The following MPHOSPH8 variants were observed in gnomAD, a reference collection of about 807,000 sequenced individuals.
MPHOSPH8 encodes M-phase phosphoprotein, mpp.
MPHOSPH8 carries 45 observed loss-of-function variants against 87.3 expected under a neutral mutation model. That is an observed-to-expected ratio of 0.52 (90% CI 0.41 to 0.66). The LOEUF (loss-of-function observed/expected upper bound fraction) is 0.66. Ranked by LOEUF, MPHOSPH8 falls within the 30% of genes least tolerant of loss-of-function variation. The pLI, the probability that MPHOSPH8 is intolerant of heterozygous loss-of-function variation, is 0.00. For synonymous variants in MPHOSPH8, 366 were observed against 376.9 expected (o/e 0.97, Z 0.33); for missense variants, 883 against 1,020.2 (o/e 0.87, Z 1.83).
chr13:19,655,691 T>C (rs993747565), intron 5 of MPHOSPH8, among the ~76,000 whole-genome samples: 2 of 152,092 alleles, frequency 1.3e-5, no homozygotes, highest in African/African-American at 4.8e-5. Context: ...GCCAGAAACA[T>C]TGATTTTAAA....
intron 1 of MPHOSPH8, among the ~76,000 whole-genome samples, chr13:19,641,453 G>T (rs1288072524): frequency 6.9e-6 from 1 of 145,662 alleles, no homozygotes; most frequent in African/African-American, 2.6e-5. Flanking sequence ...CTCCCAAGTA[G>T]CTGGGACTAC....
At chr13:19,666,341 C>T in intron 9 of MPHOSPH8, 84 bp from the exon 10 acceptor site, 3 of 1,380,542 alleles carry the variant, frequency 2.2e-6, no homozygotes, top group Non-Finnish European at 3.0e-6. Context: ...CTTCACAGAA[C>T]CGCTAAGCAT....
chr13:19,670,187 G>A, intron 11 of MPHOSPH8, 49 bp from the exon 12 acceptor site: 1 of 1,609,944 alleles, frequency 6.2e-7, no homozygotes, highest in South Asian at 1.1e-5. Flanking sequence ...GTTCCTCTGG[G>A]GACTGAAGGT....
chr13:19,668,512 C>T lies in MPHOSPH8; in HGVS notation c.2310C>T (p.Pro770=). 6.2e-7 allele frequency: 1 copy of T among 1,614,058 alleles called. No homozygotes were observed. Among genetic ancestry groups the T allele is most frequent in the Middle Eastern group, 1.6e-4 (1 of 6,062 alleles). ...PDFSTDFNYK[P]PQNIPEGSGI... Reference sequence around the variant, plus strand: ...TTTCAACAGATTTCAATTACAAACCCCCACAGAACATACCAGAAGGTAAGC... The same window carrying T: ...TTTCAACAGATTTCAATTACAAACCTCCACAGAACATACCAGAAGGTAAGC... Residue 770 remains proline, a synonymous_variant, in exon 11 of 14, where the codon CCC becomes CCT. Coordinates refer to ENST00000361479, the MANE Select transcript of MPHOSPH8 (RefSeq NM_017520.4).
At chr13:19,649,446 GA>G (rs1445586481) in intron 4 of MPHOSPH8, among the ~76,000 whole-genome samples, 1 of 152,050 alleles carries the variant, frequency 6.6e-6, no homozygotes, top group Non-Finnish European at 1.5e-5. Flanking sequence ...GTTTATAATA[GA>G]ATTCATCCTA....
At chr13:19,670,568 T>C (rs1876067512) in intron 12 of MPHOSPH8, among the ~76,000 whole-genome samples, 1 of 152,220 alleles carries the variant, frequency 6.6e-6, no homozygotes, top group South Asian at 2.1e-4. Context: ...TTTTTTGCCT[T>C]AAATTGTGCT....
rs766984872 is a variant in MPHOSPH8 at position 19,633,836 on chromosome 13, G to A, written c.88G>A (p.Gly30Arg). The change falls in exon 1 of 14, where the codon GGA becomes AGA. Residue 30 changes from glycine to arginine, a missense_variant. Physicochemically the swap from Gly to Arg is moderately radical, Grantham distance 125. This residue lies in a region of MPHOSPH8 where 103 missense variants were observed against 96.3 expected (regional missense o/e 1.07). Transcript: ENST00000361479. ...STEELAEVEE[G>R]VGVVGEDNDA... ...TGAGGAGTTGGCCGAAGTCGAAGAA[G>A]GAGTTGGAGTAGTGGGCGAAGATAA... The A allele has an allele frequency of 1.9e-6, 3 of 1,610,832 alleles. No homozygotes were observed. The highest frequency in any genetic ancestry group is 3.4e-5 in the Admixed American group (2 of 59,428).
chr13:19,659,429 C>T (rs946886034), intron 7 of MPHOSPH8, 140 bp downstream of exon 7: 34 of 691,774 alleles, frequency 4.9e-5, no homozygotes, highest in Admixed American at 4.4e-4. Flanking sequence ...TTTGGGAGGC[C>T]GAGGCAGGAG....
rs756013092 is a variant in MPHOSPH8, at chr13:19,646,598, C to T, written c.525C>T (p.Ala175=). The part of the protein sequence containing the change: ...PDDLKKKKAK[A]GKLKDKSKPD... ...ATCTGAAAAAGAAAAAAGCAAAGGC[C>T]GGGAAGCTAAAAGACAAGTCCAAAC... The change falls in exon 3 of 14, where the codon GCC becomes GCT. Residue 175 remains alanine (A), a synonymous_variant. Coordinates refer to ENST00000361479, the MANE Select transcript of MPHOSPH8 (RefSeq NM_017520.4). 9 of 1,583,172 alleles carry T rather than the reference C, an allele frequency of 5.7e-6. No homozygotes were observed. Among genetic ancestry groups the T allele is most frequent in the East Asian group, 4.5e-5 (2 of 44,538 alleles).
intron 5 of MPHOSPH8, among the ~76,000 whole-genome samples, chr13:19,654,627 C>T (rs1875049426): frequency 6.6e-6 from 1 of 152,168 alleles, no homozygotes; most frequent in Non-Finnish European, 1.5e-5. Flanking sequence ...ACCATCATAA[C>T]TTCAGTACCA....
chr13:19,661,724 GC>G lies in MPHOSPH8; in HGVS notation c.1819del (p.Ala608ProfsTer20), dbSNP rs765654836. The G allele has an allele frequency of 1.9e-6, 3 of 1,609,990 alleles. No homozygotes were observed. Among genetic ancestry groups the G allele is most frequent in the South Asian group, 1.1e-5 (1 of 90,670 alleles). On this transcript the variant is annotated frameshift_variant, in exon 8 of 14. Coordinates refer to ENST00000361479, the MANE Select transcript of MPHOSPH8 (RefSeq NM_017520.4). LOFTEE classifies it high-confidence loss of function. Reference sequence around the variant, plus strand: ...ATTCCAGTGGAATGACACTGGTGATGCTTGCCGCCGCCGGAGGGCAGGACGA... The same window carrying G: ...ATTCCAGTGGAATGACACTGGTGATGTTGCCGCCGCCGGAGGGCAGGACGA... Reference protein sequence around the residue: ...EDSSGMTLVMLAAAGGQDDLL... With the variant: ...EDSSGMTLVMXAAAGGQDDLL...
intron 12 of MPHOSPH8, 196 bp from the exon 13 acceptor site, chr13:19,671,010 G>T: frequency 7.9e-7 from 1 of 1,271,602 alleles, no homozygotes; most frequent in Admixed American, 2.7e-5. Flanking sequence ...TTGTAGAGAT[G>T]GGGTTTCACC....
rs1876189713 is a variant in MPHOSPH8, at chr13:19,672,480, C to T, written c.*605C>T. ...CTTAACTTGAAATTTTCTACTAGCC[C>T]TGGTGAACTTCTGTGCTTAAAAAAA... On this transcript the variant is annotated 3_prime_UTR_variant, in exon 14 of 14. Transcript: ENST00000361479. 6.7e-6 allele frequency: 1 copy of T among 149,098 alleles called. No individual in the cohort carries two copies. Among genetic ancestry groups the T allele is most frequent in the Non-Finnish European group, 1.5e-5 (1 of 67,870 alleles). 9.2% of individuals were successfully genotyped at this position (149,098 alleles called of 1,614,324 possible). A position where few individuals can be genotyped will look rare whatever the true frequency, so the allele number is the denominator to read the frequency against.
chr13:19,662,219 G>A (rs1387529293), intron 8 of MPHOSPH8, among the ~76,000 whole-genome samples: 1 of 152,088 alleles, frequency 6.6e-6, no homozygotes. Context: ...TATTACAGGC[G>A]TGAGCCACCG....
chr13:19,649,471 T>G (rs1423866675), intron 4 of MPHOSPH8, among the ~76,000 whole-genome samples: 1 of 152,184 alleles, frequency 6.6e-6, no homozygotes, highest in Non-Finnish European at 1.5e-5. Context: ...CTCTTCTTTT[T>G]GGGGTTATTT....
At chr13:19,635,527 CAAA>C (rs569855954) in intron 1 of MPHOSPH8, among the ~76,000 whole-genome samples, 1 of 151,394 alleles carries the variant, frequency 6.6e-6, no homozygotes, top group Non-Finnish European at 1.5e-5. Context: ...GACTCCGTCT[CAAA>C]AAAAATAATA....
chr13:19,650,631 C>T (rs1874793607), intron 5 of MPHOSPH8, among the ~76,000 whole-genome samples: 1 of 152,034 alleles, frequency 6.6e-6, no homozygotes, highest in Admixed American at 6.5e-5. Context: ...TAGCAAGTAA[C>T]ACTAAATAAG....
In MPHOSPH8 at chr13:19,671,227, T is replaced by C. The variant is rs2137548518; in HGVS notation, c.2479T>C (p.Phe827Leu). ...GTAGGACAGTCATTTTGTTTACTCATTCAGCCCTGTTGCAGGTCCCAATAA... is the reference window on the plus strand; with the variant it reads ...GTAGGACAGTCATTTTGTTTACTCACTCAGCCCTGTTGCAGGTCCCAATAA... ...VFLDSHFVYS[F>L]SPVAGPNKLF... The change falls in exon 13 of 14, where the codon TTC (phenylalanine) becomes CTC (leucine). Residue 827 changes from phenylalanine (F) to leucine (L), a missense_variant. Phe to Leu is a conservative substitution (Grantham distance 22). Transcript: ENST00000361479. 1 of 1,614,148 alleles carries C rather than the reference T, an allele frequency of 6.2e-7. No individual in the cohort carries two copies. Among genetic ancestry groups the C allele is most frequent in the Non-Finnish European group, 8.5e-7 (1 of 1,180,030 alleles).
chr13:19,647,376 A>G (rs35424555), intron 3 of MPHOSPH8, 85 bp downstream of exon 3: 144,735 of 1,238,242 alleles, frequency 0.12, 9,681 homozygotes, highest in African/African-American at 0.23. Context: ...GTCAAGCTAT[A>G]AGAAAGTGTT....
Sources: gnomAD v4.1 joint callset for allele counts (sites outside exome capture counted in the v4.1 genomes callset) on GRCh38, gnomAD v4.1.1 for gene constraint, gnomAD v4.1.1 regional missense constraint, MANE v1.5 for transcripts, NCBI Gene and HGNC (gene_info 2026-07-23, HGNC 2026-07-21) for gene names.